Variants in NNMT observed in about 807,000 individuals in gnomAD.
The protein encoded by NNMT is nicotinamide N-methyltransferase.
NNMT carries 10 observed loss-of-function variants against 11.7 expected under a neutral mutation model. That is an observed-to-expected ratio of 0.85 (90% CI 0.53 to 1.45). NNMT has a LOEUF of 1.45. NNMT is among the 40% of genes most tolerant of loss of function. The pLI, the probability that NNMT is intolerant of heterozygous loss-of-function variation, is 0.00. For synonymous variants in NNMT, 143 were observed against 133.8 expected, an observed-to-expected ratio of 1.07 and a Z score of -0.48; for missense variants, 381 against 319.4, an observed-to-expected ratio of 1.19 and a Z score of -1.47.
At chr11:114,272,739 G>A (rs1332127589) in intron 2 of NNMT, among the ~76,000 whole-genome samples, 1 of 152,194 alleles carries the variant, frequency 6.6e-6, no homozygotes, top group African/African-American at 2.4e-5. Context: ...ATGGCTTCCA[G>A]ATTTGCTCCT....
intron 2 of NNMT, among the ~76,000 whole-genome samples, chr11:114,305,449 T>C (rs922173072): frequency 6.6e-6 from 1 of 151,976 alleles, no homozygotes; most frequent in Non-Finnish European, 1.5e-5. Flanking sequence ...GCTGCACCCA[T>C]TAACTCGTCA....
intron 2 of NNMT, among the ~76,000 whole-genome samples, chr11:114,278,103 T>G (rs1480095955): frequency 6.6e-6 from 1 of 152,212 alleles, no homozygotes; most frequent in Non-Finnish European, 1.5e-5. Context: ...AGAGCTTTAT[T>G]TGGCTCATGG....
chr11:114,302,294 A>AAGTGTACATATTTTT (rs1268240655), intron 2 of NNMT, among the ~76,000 whole-genome samples: 11 of 152,178 alleles, frequency 7.2e-5, no homozygotes, highest in Middle Eastern at 3.4e-3. Context: ...CATTTAGTAT[A>AAGTGTACATATTTTT]AGTGTACATA....
At chr11:114,268,647 T>C (rs1194974660) in intron 2 of NNMT, among the ~76,000 whole-genome samples, 1 of 151,822 alleles carries the variant, frequency 6.6e-6, no homozygotes, top group Non-Finnish European at 1.5e-5. Flanking sequence ...CACACGCCTG[T>C]AGTCCCAGCT....
At chr11:114,279,832 C>T (rs971657785) in intron 2 of NNMT, among the ~76,000 whole-genome samples, 4 of 152,162 alleles carry the variant, frequency 2.6e-5, no homozygotes, top group African/African-American at 7.2e-5. Flanking sequence ...GAGGTGAGAG[C>T]GCACAGAAAG....
intron 2 of NNMT, among the ~76,000 whole-genome samples, chr11:114,308,392 C>T (rs1000494408): frequency 3.3e-5 from 5 of 152,116 alleles, no homozygotes; most frequent in African/African-American, 1.2e-4. Flanking sequence ...TGATGCACTG[C>T]CAGCCTTGCT....
intron 2 of NNMT, among the ~76,000 whole-genome samples, chr11:114,303,026 A>G (rs1321886723): frequency 6.6e-6 from 1 of 152,194 alleles, no homozygotes; most frequent in Admixed American, 6.5e-5. Context: ...TCTGTTGTTT[A>G]TGAGCCACCC....
At chr11:114,272,572 C>T (rs772244070) in intron 2 of NNMT, among the ~76,000 whole-genome samples, 8 of 152,090 alleles carry the variant, frequency 5.3e-5, no homozygotes, top group South Asian at 2.1e-4. Flanking sequence ...TTTCTGAGGT[C>T]GAGATTTCCT....
chr11:114,305,734 A>C (rs796675945), intron 2 of NNMT, among the ~76,000 whole-genome samples: 1 of 151,844 alleles, frequency 6.6e-6, no homozygotes, highest in African/African-American at 2.4e-5. Flanking sequence ...ACATTTTCTT[A>C]ATCCAGTCTA....
At chr11:114,281,186 A>G (rs958079184) in intron 2 of NNMT, among the ~76,000 whole-genome samples, 1 of 152,070 alleles carries the variant, frequency 6.6e-6, no homozygotes. Context: ...CTTAAAACCC[A>G]CGAAGCTGGG....
chr11:114,295,620 G>A (rs1023781548), upstream of NNMT, among the ~76,000 whole-genome samples: 20 of 151,536 alleles, frequency 1.3e-4, no homozygotes, highest in African/African-American at 4.4e-4. Flanking sequence ...TAGTAGAGAC[G>A]GGGTTTCACC....
intron 2 of NNMT, among the ~76,000 whole-genome samples, chr11:114,289,949 T>C (rs1211413201): frequency 6.6e-6 from 1 of 152,146 alleles, no homozygotes; most frequent in African/African-American, 2.4e-5. Context: ...TGAGGGCCTG[T>C]TTCCTTCTTC....
chr11:114,265,566 C>A (rs1465181455), intron 2 of NNMT, among the ~76,000 whole-genome samples: 4 of 152,166 alleles, frequency 2.6e-5, no homozygotes, highest in Admixed American at 2.0e-4. Flanking sequence ...TGTTCCCTGG[C>A]CACGTTTGAA....
At chr11:114,269,714 C>T (rs1173570446) in intron 2 of NNMT, among the ~76,000 whole-genome samples, 1 of 152,176 alleles carries the variant, frequency 6.6e-6, no homozygotes, top group Non-Finnish European at 1.5e-5. Flanking sequence ...GTCTGCACTT[C>T]CTCACCACCC....
At chr11:114,280,090 C>A (rs543873523) in intron 2 of NNMT, among the ~76,000 whole-genome samples, 4 of 152,180 alleles carry the variant, frequency 2.6e-5, no homozygotes, top group Admixed American at 6.5e-5. Context: ...ATGTGCCAAG[C>A]CCCATTCTGC....
intron 2 of NNMT, among the ~76,000 whole-genome samples, chr11:114,305,885 A>C (rs1375751893): frequency 3.2e-3 from 482 of 152,228 alleles, no homozygotes; most frequent in African/African-American, 0.011. Context: ...GGCTGGGTCA[A>C]ATGGTATTTC....
chr11:114,258,932 C>T (rs937922962), intron 1 of NNMT, among the ~76,000 whole-genome samples: 2 of 152,216 alleles, frequency 1.3e-5, no homozygotes, highest in Non-Finnish European at 2.9e-5. Context: ...CCCCTTCTGT[C>T]TGGCTCTCTC....
At chr11:114,306,050 G>A (rs1258147115) in intron 2 of NNMT, among the ~76,000 whole-genome samples, 1 of 152,198 alleles carries the variant, frequency 6.6e-6, no homozygotes, top group Non-Finnish European at 1.5e-5. Context: ...TCTAAGTGGT[G>A]TGAGATGGTG....
rs539054467 is a variant in NNMT at position 114,312,198 on chromosome 11, C to A, written c.516C>A (p.Asp172Glu). 1.3e-5 allele frequency: 21 copies of A among 1,614,114 alleles called. No homozygotes were observed. The highest frequency in any genetic ancestry group is 3.3e-5 in the South Asian group (3 of 91,094). Residue 172 changes from aspartate (D) to glutamate (E), a missense_variant, in exon 3 of 3, where the codon GAC (aspartate) becomes GAA (glutamate). By Grantham distance (45) the Asp-to-Glu change is conservative. Coordinates refer to ENST00000299964, the MANE Select transcript of NNMT (RefSeq NM_006169.3). ...STLCLDAACP[D>E]LPTYCRALRN... ...TGTGTCTGGATGCCGCCTGCCCAGA[C>A]CTCCCCACCTACTGCAGGGCGCTCA... is the stretch of plus-strand genomic sequence containing the variant.
Sources: allele counts gnomAD v4.1 joint callset (sites outside exome capture counted in the v4.1 genomes callset), GRCh38; gene constraint gnomAD v4.1.1; transcripts MANE v1.5; gene names NCBI Gene and HGNC (gene_info 2026-07-23, HGNC 2026-07-21).